Variants in CAP2 observed in about 807,000 individuals in gnomAD.
CAP2 encodes adenylyl cyclase-associated protein 2.
In CAP2, 24 loss-of-function variants were observed where a neutral mutation model predicts 57.7. The ratio of observed to expected loss-of-function variants is 0.42; its 90% confidence interval spans 0.30 to 0.58. The LOEUF is 0.58. CAP2 is among the 20% of genes least tolerant of loss of function. The pLI is 0.22. For missense variants in CAP2, 501 were observed against 590.3 expected, an observed-to-expected ratio of 0.85 and a Z score of 1.57; for synonymous variants, 194 against 207.2, an observed-to-expected ratio of 0.94 and a Z score of 0.55.
chr6:17,525,736 G>A (rs12661089), intron 7 of CAP2, among the ~76,000 whole-genome samples: 53,808 of 151,980 alleles, frequency 0.35, 10,607 homozygotes, highest in African/African-American at 0.54. Flanking sequence ...AAAACCCTAC[G>A]AAAGGAGGAA....
chr6:17,507,014 C>T (rs1284295310), intron 4 of CAP2, among the ~76,000 whole-genome samples, 155 bp from the exon 5 acceptor site: 1 of 152,148 alleles, frequency 6.6e-6, no homozygotes, highest in East Asian at 1.9e-4. Context: ...TAACCAAGAA[C>T]AAATGCATGC....
chr6:17,402,771 A>G (rs1363190576), intron 1 of CAP2, among the ~76,000 whole-genome samples: 1 of 152,236 alleles, frequency 6.6e-6, no homozygotes, highest in Non-Finnish European at 1.5e-5. Context: ...TTGCTTTACT[A>G]TCAGTTTTCT....
At chr6:17,516,094 C>T (rs1427484322) in intron 7 of CAP2, among the ~76,000 whole-genome samples, 1 of 152,228 alleles carries the variant, frequency 6.6e-6, no homozygotes, top group Non-Finnish European at 1.5e-5. Flanking sequence ...GCAAGACTCA[C>T]CTCACACATC....
intron 3 of CAP2, among the ~76,000 whole-genome samples, chr6:17,433,176 C>T (rs1224774076): frequency 6.6e-6 from 1 of 152,164 alleles, no homozygotes. Context: ...ATGGCCTCAT[C>T]ACCATTGTAA....
chr6:17,527,474 A>T (rs1762536594), intron 7 of CAP2, among the ~76,000 whole-genome samples: 1 of 152,246 alleles, frequency 6.6e-6, no homozygotes, highest in African/African-American at 2.4e-5. Context: ...GATTTGATCT[A>T]AATGTCAGCA....
chr6:17,520,779 G>T (rs970346922), intron 7 of CAP2, among the ~76,000 whole-genome samples: 1 of 152,186 alleles, frequency 6.6e-6, no homozygotes, highest in African/African-American at 2.4e-5. Flanking sequence ...ACGTTTTCAA[G>T]TCTTCAGGCC....
At chr6:17,428,870 G>A (rs1011079647) in intron 3 of CAP2, among the ~76,000 whole-genome samples, 2 of 152,124 alleles carry the variant, frequency 1.3e-5, no homozygotes, top group African/African-American at 4.8e-5. Flanking sequence ...TCTCCCAGGG[G>A]ATCCAGTGAC....
At chr6:17,460,664 T>C (rs978635292) in intron 3 of CAP2, among the ~76,000 whole-genome samples, 16 of 152,214 alleles carry the variant, frequency 1.1e-4, no homozygotes, top group African/African-American at 3.6e-4. Flanking sequence ...GAATGATCTT[T>C]TAGGACATAA....
At chr6:17,425,047 G>A (rs769399470) in intron 2 of CAP2, among the ~76,000 whole-genome samples, 1 of 152,142 alleles carries the variant, frequency 6.6e-6, no homozygotes, top group East Asian at 1.9e-4. Flanking sequence ...CATCCTGCTC[G>A]GAAGTTAGAA....
chr6:17,449,126 A>G (rs1025086744), intron 3 of CAP2, among the ~76,000 whole-genome samples: 1 of 152,192 alleles, frequency 6.6e-6, no homozygotes, highest in African/African-American at 2.4e-5. Flanking sequence ...TGATTCAAAC[A>G]ATCAAAATTA....
chr6:17,489,767 C>T (rs893277503), intron 4 of CAP2, among the ~76,000 whole-genome samples: 2 of 152,006 alleles, frequency 1.3e-5, no homozygotes, highest in Non-Finnish European at 2.9e-5. Flanking sequence ...TGCCAGATCC[C>T]AGTCTGGAGC....
At chr6:17,401,363 A>G (rs1192978108) in intron 1 of CAP2, among the ~76,000 whole-genome samples, 2 of 152,194 alleles carry the variant, frequency 1.3e-5, no homozygotes, top group East Asian at 3.8e-4. Flanking sequence ...GTGAGAAATA[A>G]ATTTCTATTG....
intron 3 of CAP2, among the ~76,000 whole-genome samples, chr6:17,455,337 G>T (rs1561789859): frequency 6.6e-6 from 1 of 151,964 alleles, no homozygotes; most frequent in Non-Finnish European, 1.5e-5. Context: ...TACACACTGT[G>T]TGTGGTCCCT....
intron 12 of CAP2, among the ~76,000 whole-genome samples, chr6:17,554,210 G>A (rs1042613312): frequency 6.6e-6 from 1 of 152,218 alleles, no homozygotes; most frequent in East Asian, 1.9e-4. Flanking sequence ...GGGCTCAATC[G>A]ATCTTCCTGC....
chr6:17,492,202 T>A (rs1287681161), intron 4 of CAP2, among the ~76,000 whole-genome samples: 1 of 152,234 alleles, frequency 6.6e-6, no homozygotes, highest in Non-Finnish European at 1.5e-5. Context: ...TGGTTGTCTA[T>A]TTTTTCTCTC....
At chr6:17,479,156 A>T (rs955651483) in intron 4 of CAP2, among the ~76,000 whole-genome samples, 31 of 152,134 alleles carry the variant, frequency 2.0e-4, no homozygotes, top group African/African-American at 7.2e-4. Context: ...GGCCCTGGGC[A>T]TGGGTGTCCT....
chr6:17,409,138 G>A (rs1181381257), intron 1 of CAP2, among the ~76,000 whole-genome samples: 3 of 151,038 alleles, frequency 2.0e-5, no homozygotes, highest in African/African-American at 7.3e-5. Flanking sequence ...TTAGGAGGCT[G>A]AGGCAGGCGA....
intron 3 of CAP2, among the ~76,000 whole-genome samples, chr6:17,432,206 T>C (rs1192852202): frequency 6.6e-6 from 1 of 152,226 alleles, no homozygotes; most frequent in Non-Finnish European, 1.5e-5. Flanking sequence ...GTATCTTGTA[T>C]TCTTTCAATT....
intron 7 of CAP2, among the ~76,000 whole-genome samples, chr6:17,526,826 G>C (rs1451642318): frequency 6.6e-6 from 1 of 151,536 alleles, no homozygotes; most frequent in Non-Finnish European, 1.5e-5. Context: ...GCATGGTGGC[G>C]CATGCCTATA....
Sources: gnomAD v4.1 joint callset for allele counts (sites outside exome capture counted in the v4.1 genomes callset) on GRCh38, gnomAD v4.1.1 for gene constraint, MANE v1.5 for transcripts, NCBI Gene and HGNC (gene_info 2026-07-23, HGNC 2026-07-21) for gene names.